The following LYPD6 variants were observed in gnomAD, a reference collection of about 807,000 sequenced individuals.
LYPD6 encodes LY6/PLAUR domain containing 6.
LYPD6 carries 15 observed loss-of-function variants against 22.7 expected under a neutral mutation model. The observed-to-expected ratio is 0.66, with a 90% confidence interval of 0.44 to 1.02. LYPD6 has a LOEUF of 1.02. Ranked by LOEUF, LYPD6 falls within the 50% of genes least tolerant of loss-of-function variation. The pLI, the probability that LYPD6 is intolerant of heterozygous loss-of-function variation, is 0.00. For missense variants in LYPD6, 189 were observed against 208.4 expected, an observed-to-expected ratio of 0.91 and a Z score of 0.57; for synonymous variants, 72 against 77.5, an observed-to-expected ratio of 0.93 and a Z score of 0.37.
intron 1 of LYPD6, among the ~76,000 whole-genome samples, chr2:149,389,673 G>A (rs1527141): frequency 0.2 from 29,869 of 151,960 alleles, 2,956 homozygotes; most frequent in African/African-American, 0.23. Context: ...GTTTAGGTTT[G>A]GTATCTTTAT....
At chr2:149,375,444 TGTG>T (rs1025248937) in intron 1 of LYPD6, among the ~76,000 whole-genome samples, 1 of 152,182 alleles carries the variant, frequency 6.6e-6, no homozygotes, top group African/African-American at 2.4e-5. Context: ...TGGGCACTGA[TGTG>T]GTCCTGCCCT....
chr2:149,437,380 A>G (rs1683456662), intron 1 of LYPD6, among the ~76,000 whole-genome samples: 1 of 152,192 alleles, frequency 6.6e-6, no homozygotes, highest in Non-Finnish European at 1.5e-5. Flanking sequence ...GTTAAAATTC[A>G]GTCTCTCTTG....
downstream of LYPD6, among the ~76,000 whole-genome samples, chr2:149,476,553 T>A (rs1170074901): frequency 6.6e-6 from 1 of 152,064 alleles, no homozygotes; most frequent in Non-Finnish European, 1.5e-5. Context: ...TTGTGTTGTC[T>A]AAGTGGGGAA....
chr2:149,453,873 G>T (rs1476215035), intron 3 of LYPD6, among the ~76,000 whole-genome samples: 2 of 152,102 alleles, frequency 1.3e-5, no homozygotes, highest in African/African-American at 4.8e-5. Flanking sequence ...ATTTATACAG[G>T]AGTCTCTGTT....
At chr2:149,467,619 T>C (rs1304594317) in intron 3 of LYPD6, among the ~76,000 whole-genome samples, 1 of 152,134 alleles carries the variant, frequency 6.6e-6, no homozygotes, top group Admixed American at 6.6e-5. Context: ...AATAATCTCA[T>C]AGAAGGTCAT....
intron 1 of LYPD6, among the ~76,000 whole-genome samples, chr2:149,435,756 G>A (rs931435244): frequency 1.3e-5 from 2 of 152,152 alleles, no homozygotes; most frequent in South Asian, 4.1e-4. Context: ...CTTCCTGAAT[G>A]CCAGGTTTGC....
intron 1 of LYPD6, among the ~76,000 whole-genome samples, chr2:149,420,184 C>T (rs540295510): frequency 1.3e-4 from 20 of 152,272 alleles, no homozygotes; most frequent in African/African-American, 4.8e-4. Context: ...GATGTCAGGG[C>T]GGGGGTCCCA....
At chr2:149,419,815 C>T (rs1001238924) in intron 1 of LYPD6, among the ~76,000 whole-genome samples, 1 of 148,394 alleles carries the variant, frequency 6.7e-6, no homozygotes, top group Non-Finnish European at 1.5e-5. Flanking sequence ...TAATTCTCTA[C>T]AATATGTGCT....
intron 1 of LYPD6, among the ~76,000 whole-genome samples, chr2:149,355,443 G>T (rs1311414644): frequency 6.6e-6 from 1 of 152,152 alleles, no homozygotes; most frequent in East Asian, 1.9e-4. Context: ...TCGAAAATTA[G>T]AAACTTTCAG....
chr2:149,365,236 T>C (rs1681638879), intron 1 of LYPD6, among the ~76,000 whole-genome samples: 1 of 152,244 alleles, frequency 6.6e-6, no homozygotes, highest in South Asian at 2.1e-4. Context: ...AACCACATCA[T>C]CTTGTTGGCA....
chr2:149,340,343 A>C (rs543751664), intron 1 of LYPD6, among the ~76,000 whole-genome samples: 1 of 152,302 alleles, frequency 6.6e-6, no homozygotes, highest in East Asian at 1.9e-4. Context: ...AACTTTAGAT[A>C]ATATAATCAT....
In LYPD6 at chr2:149,473,406, A is replaced by G. The variant is rs1446853832; in HGVS notation, c.*2556A>G. ...GAGTCATTCACATGGAAGGTCCGGG[A>G]CTGGTCAGCCACTCTGACTTTTCTA... On this transcript the variant is annotated 3_prime_UTR_variant, in exon 5 of 5. Transcript: ENST00000334166. The G allele has an allele frequency of 6.6e-6, 1 of 152,626 alleles. No homozygotes were observed. Among genetic ancestry groups the G allele is most frequent in the East Asian group, 1.9e-4 (1 of 5,198 alleles). 9.5% of individuals were successfully genotyped at this position (152,626 alleles called of 1,614,324 possible).
intron 1 of LYPD6, among the ~76,000 whole-genome samples, chr2:149,338,562 G>A (rs2105046578): frequency 6.6e-6 from 1 of 152,260 alleles, no homozygotes; most frequent in African/African-American, 2.4e-5. Context: ...TGTTTCTTCT[G>A]CCATGTGAGG....
At chr2:149,367,050 A>G (rs1681686665) in intron 1 of LYPD6, among the ~76,000 whole-genome samples, 1 of 151,378 alleles carries the variant, frequency 6.6e-6, no homozygotes, top group Non-Finnish European at 1.5e-5. Context: ...TTTCTTTTTT[A>G]CAGGTGCTAG....
At position 149,470,779 on chromosome 2, in the gene LYPD6, A is replaced by G. The variant is rs1382630149; in HGVS notation, c.445A>G (p.Thr149Ala). 1 of 1,613,818 alleles carries G rather than the reference A, an allele frequency of 6.2e-7. No individual in the cohort carries two copies. The change falls in exon 5 of 5, where the codon ACA becomes GCA. Residue 149 changes from threonine to alanine, a missense_variant. By Grantham distance (58) the Thr-to-Ala change is moderately conservative. Coordinates refer to ENST00000334166, the MANE Select transcript of LYPD6 (RefSeq NM_194317.5). ...TFATTSPINQTNGHPRCMSVI... is the reference protein window; with the variant it reads ...TFATTSPINQANGHPRCMSVI... ...TGCCACGACGTCACCTATAAATCAG[A>G]CAAATGGGCACCCACGCTGTATGTC... is the stretch of plus-strand genomic sequence containing the variant.
intron 1 of LYPD6, among the ~76,000 whole-genome samples, chr2:149,342,435 T>C (rs1681181266): frequency 1.3e-5 from 2 of 152,240 alleles, no homozygotes; most frequent in Non-Finnish European, 2.9e-5. Flanking sequence ...TTTAATGATA[T>C]TCTTTTTCTC....
At chr2:149,336,657 C>G (rs1681039933) in intron 1 of LYPD6, among the ~76,000 whole-genome samples, 1 of 152,176 alleles carries the variant, frequency 6.6e-6, no homozygotes, top group East Asian at 1.9e-4. Context: ...AACAGTGACT[C>G]TCTCTAAGTA....
intron 1 of LYPD6, among the ~76,000 whole-genome samples, chr2:149,398,196 T>G (rs1682466863): frequency 6.6e-6 from 1 of 152,226 alleles, no homozygotes; most frequent in African/African-American, 2.4e-5. Context: ...AGACTTCTTA[T>G]GCCAACTGAA....
chr2:149,461,035 T>C (rs907425470), intron 3 of LYPD6, among the ~76,000 whole-genome samples: 3 of 151,900 alleles, frequency 2.0e-5, no homozygotes. Context: ...GGAAAATCAA[T>C]TCTCTAAGCT....
Sources: gnomAD v4.1 joint callset for allele counts (sites outside exome capture counted in the v4.1 genomes callset) on GRCh38, gnomAD v4.1.1 for gene constraint, MANE v1.5 for transcripts, NCBI Gene and HGNC (gene_info 2026-07-23, HGNC 2026-07-21) for gene names.